The following PACRGL variants were observed in gnomAD, a reference collection of about 807,000 sequenced individuals.
The protein encoded by PACRGL is parkin coregulated like.
PACRGL carries 38 observed loss-of-function variants against 34.5 expected under a neutral mutation model. The ratio of observed to expected loss-of-function variants is 1.10; its 90% CI spans 0.85 to 1.44. The LOEUF is 1.44. Among genes scored for constraint, PACRGL ranks in the 40% most tolerant of loss-of-function variants. The probability of loss-of-function intolerance (pLI) is 0.00; values close to 1 mark genes in which losing one functional copy is unlikely to be tolerated. For missense variants in PACRGL, 305 were observed against 281.4 expected (o/e 1.08, Z -0.60); for synonymous variants, 128 against 100.1 (o/e 1.28, Z -1.66).
Position 20,731,875 on chromosome 4 carries a change from G to C in PACRGL, c.*4534G>C, listed in dbSNP as rs1234166496. On this transcript the variant is annotated 3_prime_UTR_variant, in exon 9 of 9. Coordinates refer to ENST00000503585, the MANE Select transcript of PACRGL (RefSeq NM_001258345.3). ...GTTTTCAGAGTGGTAGGCTTATGCT[G>C]CATGTTGTAGAAGTGGTAAACTTAG... The C allele has an allele frequency of 6.9e-7, 1 of 1,447,398 alleles. No individual in the cohort carries two copies. The highest frequency in any genetic ancestry group is 1.4e-5 in the African/African-American group (1 of 69,872). The allele number at this position is 1,447,398 out of a possible 1,614,324, so 89.7% of individuals were successfully genotyped here.
chr4:20,741,855 C>T (rs964568703), intron 8 of PACRGL, among the ~76,000 whole-genome samples: 1 of 152,078 alleles, frequency 6.6e-6, no homozygotes, highest in East Asian at 1.9e-4. Flanking sequence ...AGAGAAGAAT[C>T]AAATAGATGC....
chr4:20,731,368 C>T lies in PACRGL; in HGVS notation c.*4027C>T. The T allele has an allele frequency of 1.0e-6, 1 of 983,680 alleles. No individual in the cohort carries two copies. The highest frequency in any genetic ancestry group is 1.7e-5 in the African/African-American group (1 of 57,300). 60.9% of individuals were successfully genotyped at this position (983,680 alleles called of 1,614,324 possible). On this transcript the variant is annotated 3_prime_UTR_variant, in exon 9 of 9. Coordinates refer to ENST00000503585, the MANE Select transcript of PACRGL (RefSeq NM_001258345.3). Reference sequence around the variant, plus strand: ...GGATTACAGTTGTGAGCTACTGTACCAGGCCTTAACAATTTTTAACTGTGG... The same window carrying T: ...GGATTACAGTTGTGAGCTACTGTACTAGGCCTTAACAATTTTTAACTGTGG...
intron 3 of PACRGL, among the ~76,000 whole-genome samples, chr4:20,706,940 C>T (rs986722466): frequency 2.0e-5 from 3 of 152,118 alleles, no homozygotes; most frequent in African/African-American, 4.8e-5. Context: ...ACTCAAAACT[C>T]ATGCTTTTCC....
chr4:20,712,968 A>G (rs531048426), intron 6 of PACRGL, 46 bp downstream of exon 6: 315 of 1,435,366 alleles, frequency 2.2e-4, no homozygotes, highest in Non-Finnish European at 2.8e-4. Context: ...AACATGATAG[A>G]AAAGAAAGCT....
At chr4:20,732,816 G>T, downstream of PACRGL, 2 of 1,284,474 alleles carry the variant, frequency 1.6e-6, no homozygotes, top group Non-Finnish European at 2.3e-6. Flanking sequence ...ACGTGAGGCT[G>T]CACACATGTA....
At chr4:20,766,082 A>G in the PACRGL span, among the ~76,000 whole-genome samples, 1 of 152,196 alleles carries the variant, frequency 6.6e-6, no homozygotes, top group Non-Finnish European at 1.5e-5. Context: ...GCTAATACAC[A>G]TGAGCACTTT....
At chr4:20,749,793 G>A in intron 8 of PACRGL, 1 of 1,119,818 alleles carries the variant, frequency 8.9e-7, no homozygotes, top group Non-Finnish European at 1.3e-6. Context: ...ATAAGACTTG[G>A]ATAGCAGTCC....
intron 8 of PACRGL, among the ~76,000 whole-genome samples, chr4:20,740,419 A>G (rs1002868153): frequency 3.3e-5 from 5 of 152,200 alleles, no homozygotes; most frequent in Admixed American, 6.5e-5. Flanking sequence ...AGTGGGGGCC[A>G]ATATTCAACA....
At position 20,709,750 on chromosome 4, in the gene PACRGL, C is replaced by A; in HGVS notation, c.343C>A (p.Pro115Thr). Residue 115 changes from proline to threonine, a missense_variant, in exon 5 of 9, where the codon CCA becomes ACA. Coordinates refer to ENST00000503585, the MANE Select transcript of PACRGL (RefSeq NM_001258345.3). ...TCCTCCTGAAAGTCTTTCATTTGAT[C>A]CACTTCTTATTACTTTAGCTGAGGT... Reference protein sequence around the residue: ...ECPPESLSFDPLLITLAEGLR... With the variant: ...ECPPESLSFDTLLITLAEGLR... 6.2e-7 allele frequency: 1 copy of A among 1,605,730 alleles called. No homozygotes were observed. The highest frequency in any genetic ancestry group is 8.5e-7 in the Non-Finnish European group (1 of 1,173,090).
rs1225380090 is a variant in PACRGL, at chr4:20,730,017, C to CTCCAACTTTAAGGGTGGTAGA, written c.*2677_*2697dup. 340 of 1,537,768 alleles carry CTCCAACTTTAAGGGTGGTAGA rather than the reference C, an allele frequency of 2.2e-4. 2 individuals carry two copies. The Middle Eastern group carries it at 0.011, about 51-fold the overall frequency. ...GAGCAATCTATGCTAAAAGTGGTAGCTCCAACTTTAAGGGTGGTAGAATAG... is the reference window on the plus strand; with the variant it reads ...GAGCAATCTATGCTAAAAGTGGTAGCTCCAACTTTAAGGGTGGTAGATCCAACTTTAAGGGTGGTAGAATAG... On this transcript the variant is annotated 3_prime_UTR_variant, in exon 9 of 9. Coordinates refer to ENST00000503585, the MANE Select transcript of PACRGL (RefSeq NM_001258345.3).
intron 8 of PACRGL, among the ~76,000 whole-genome samples, chr4:20,742,528 T>C (rs1751379169): frequency 6.6e-6 from 1 of 152,150 alleles, no homozygotes; most frequent in Non-Finnish European, 1.5e-5. Flanking sequence ...CCCTTCATGC[T>C]AAAAACTCTC....
the PACRGL span, among the ~76,000 whole-genome samples, chr4:20,765,606 G>A: frequency 6.6e-6 from 1 of 152,188 alleles, no homozygotes; most frequent in African/African-American, 2.4e-5. Flanking sequence ...TGAGGAAAAT[G>A]TTCTGGTTTT....
At chr4:20,747,703 A>G (rs2149329827) in intron 8 of PACRGL, among the ~76,000 whole-genome samples, 1 of 151,980 alleles carries the variant, frequency 6.6e-6, no homozygotes, top group Non-Finnish European at 1.5e-5. Flanking sequence ...AAGTTATGGG[A>G]GATGACCTTT....
downstream of PACRGL, among the ~76,000 whole-genome samples, chr4:20,754,975 A>G (rs147653084): frequency 1.1e-4 from 17 of 152,312 alleles, no homozygotes; most frequent in East Asian, 1.5e-3. Context: ...TAAAAAATCC[A>G]TGGGTTTTAA....
Position 20,704,756 on chromosome 4 carries a change from C to G in PACRGL, c.149C>G (p.Ser50Cys). The part of the protein sequence containing the change: ...KSSLSTSSPE[S>C]ARKLHPRPSD... ...TCATTGTCAACCAGTTCTCCAGAGT[C>G]TGCAAGAAAACTTCATCCTAGACCA... The change falls in exon 3 of 9, where the codon TCT (serine) becomes TGT (cysteine). Residue 50 changes from serine to cysteine, a missense_variant. Coordinates refer to ENST00000503585, the MANE Select transcript of PACRGL (RefSeq NM_001258345.3). 6.2e-7 allele frequency: 1 copy of G among 1,614,122 alleles called. No homozygotes were observed. The highest frequency in any genetic ancestry group is 8.5e-7 in the Non-Finnish European group (1 of 1,179,982).
At chr4:20,721,387 G>C (rs1428290611) in intron 7 of PACRGL, among the ~76,000 whole-genome samples, 3 of 152,300 alleles carry the variant, frequency 2.0e-5, no homozygotes, top group Non-Finnish European at 2.9e-5. Context: ...TTCCTTTGGA[G>C]GGGGAGAGGC....
the PACRGL span, among the ~76,000 whole-genome samples, chr4:20,766,498 G>A: frequency 6.6e-6 from 1 of 152,144 alleles, no homozygotes; most frequent in African/African-American, 2.4e-5. Flanking sequence ...TCTGGGAGAT[G>A]GAGGTTGCAG....
At chr4:20,759,792 CG>C in the PACRGL span, among the ~76,000 whole-genome samples, 1 of 152,116 alleles carries the variant, frequency 6.6e-6, no homozygotes, top group Non-Finnish European at 1.5e-5. Flanking sequence ...AGAATTTAGG[CG>C]TAGAGGCCCC....
In PACRGL at chr4:20,729,220, C is replaced by CATTACTATATACTGGAG. The variant is rs1553881197; in HGVS notation, c.*1880_*1896dup. The stretch of plus-strand genomic sequence containing the variant: ...GCTGTTAGGATTACTTGTTATTAAG[C>CATTACTATATACTGGAG]ATTACTATATACTGGAGGATAGATA... On this transcript the variant is annotated 3_prime_UTR_variant, in exon 9 of 9. Transcript: ENST00000503585. 3 of 151,748 alleles carry CATTACTATATACTGGAG rather than the reference C, an allele frequency of 2.0e-5. No homozygotes were observed. The East Asian group carries it at 6.0e-4, about 30-fold the overall frequency. The allele number at this position is 151,748 out of a possible 1,614,324, so 9.4% of individuals were successfully genotyped here. A position where few individuals can be genotyped will look rare whatever the true frequency, so the allele number is the denominator to read the frequency against.
Sources: gnomAD v4.1 joint callset for allele counts (sites outside exome capture counted in the v4.1 genomes callset) on GRCh38, gnomAD v4.1.1 for gene constraint, MANE v1.5 for transcripts, NCBI Gene and HGNC (gene_info 2026-07-23, HGNC 2026-07-21) for gene names.